The following ARRDC4 variants were observed in gnomAD, a reference collection of about 807,000 sequenced individuals.
The protein encoded by ARRDC4 is arrestin domain-containing protein 4.
Under a neutral mutation model 44.6 loss-of-function variants are expected in ARRDC4, and 40 were observed. That is an observed-to-expected ratio of 0.90 (90% CI 0.70 to 1.17). The LOEUF (loss-of-function observed/expected upper bound fraction) is 1.17, where lower values mean the gene tolerates loss of function less well. ARRDC4 is among the 50% of genes most tolerant of loss of function. ARRDC4 has a pLI of 0.00. For synonymous variants in ARRDC4, 211 were observed against 221.2 expected, an observed-to-expected ratio of 0.95 and a Z score of 0.41; for missense variants, 550 against 559.1, an observed-to-expected ratio of 0.98 and a Z score of 0.16.
In ARRDC4 at chr15:97,969,212, T is replaced by C. The variant is rs751499285; in HGVS notation, c.715T>C (p.Leu239=). Residue 239 remains leucine (L), a synonymous_variant, in exon 5 of 8, where the codon TTG becomes CTG. Transcript: ENST00000268042. ...KAAIFQTQTY[L]ASGKTKTIRH... ...TGCTATTTTCCAAACGCAGACATATTTGGCTAGTGGAAAAACAAAGACCAT... is the reference window on the plus strand; with the variant it reads ...TGCTATTTTCCAAACGCAGACATATCTGGCTAGTGGAAAAACAAAGACCAT... The C allele has an allele frequency of 8.7e-6, 14 of 1,613,834 alleles. No individual in the cohort carries two copies. The highest frequency in any genetic ancestry group is 1.1e-5 in the Non-Finnish European group (13 of 1,179,922).
chr15:97,964,995 C>CATATAT (rs1555456247), intron 1 of ARRDC4, among the ~76,000 whole-genome samples: 19 of 133,124 alleles, frequency 1.4e-4, no homozygotes, highest in African/African-American at 7.0e-4. Context: ...GTGATTTTTA[C>CATATAT]ATACACACAC....
Position 97,973,520 on chromosome 15 carries a change from G to A in ARRDC4, c.*2333G>A, listed in dbSNP as rs1432707429. 1.3e-5 allele frequency: 2 copies of A among 152,550 alleles called. No individual in the cohort carries two copies. The highest frequency in any genetic ancestry group is 4.8e-5 in the African/African-American group (2 of 41,430). 9.4% of individuals were successfully genotyped at this position (152,550 alleles called of 1,614,324 possible). ...AAATGTAGCTGCTGTTATTTGCTTG[G>A]TTATTCCCCTCTTGCTCTTCTTTAG... On this transcript the variant is annotated 3_prime_UTR_variant, in exon 8 of 8. Coordinates refer to ENST00000268042, the MANE Select transcript of ARRDC4 (RefSeq NM_183376.3).
chr15:97,969,544 C>A (rs1248457644), intron 5 of ARRDC4, among the ~76,000 whole-genome samples, 165 bp downstream of exon 5: 3 of 152,120 alleles, frequency 2.0e-5, no homozygotes, highest in Admixed American at 2.0e-4. Context: ...AAAACCTATT[C>A]CCCACAGGGG....
chr15:97,962,553 A>C (rs888808133), intron 1 of ARRDC4, among the ~76,000 whole-genome samples: 1 of 152,208 alleles, frequency 6.6e-6, no homozygotes, highest in Admixed American at 6.5e-5. Context: ...TGGGATTAGC[A>C]ATAAAAAACT....
Position 97,969,149 on chromosome 15 carries a change from A to G in ARRDC4, c.652A>G (p.Ile218Val). ...AGAAGCTATTCCAATCTATGCAGAA[A>G]TAGAAAATTGTTCCTCTCGTCTGAT... The part of the protein sequence containing the change: ...NGEAIPIYAE[I>V]ENCSSRLIVP... Residue 218 changes from isoleucine to valine, a missense_variant, in exon 5 of 8, where the codon ATA becomes GTA. Coordinates refer to ENST00000268042, the MANE Select transcript of ARRDC4 (RefSeq NM_183376.3). 6.2e-7 allele frequency: 1 copy of G among 1,613,882 alleles called. No homozygotes were observed. Among genetic ancestry groups the G allele is most frequent in the Non-Finnish European group, 8.5e-7 (1 of 1,179,802 alleles).
rs762785685 is a variant in ARRDC4 at position 97,969,294 on chromosome 15, C to A, written c.797C>A (p.Thr266Lys). ...CACATCGCTTCTGGGAGCACAGACA[C>A]ATGGAATGGGAAAACGCTAAAAATC... ...GNHIASGSTD[T>K]WNGKTLKIPP... The change falls in exon 5 of 8, where the codon ACA becomes AAA. Residue 266 changes from threonine (T) to lysine (K), a missense_variant. Physicochemically the swap from Thr to Lys is moderately conservative, Grantham distance 78 (BLOSUM62 -1). Coordinates refer to ENST00000268042, the MANE Select transcript of ARRDC4 (RefSeq NM_183376.3). 6.2e-7 allele frequency: 1 copy of A among 1,613,918 alleles called. No homozygotes were observed. Among genetic ancestry groups the A allele is most frequent in the East Asian group, 2.2e-5 (1 of 44,872 alleles).
chr15:97,969,112 T>C lies in ARRDC4; in HGVS notation c.626-11T>C, dbSNP rs1455880714. ...GTCTCTGAATCCTCCCTGGTTTTGT[T>C]TTCTTTTTAGGAGAAGCTATTCCAA... On this transcript the variant is annotated splice_polypyrimidine_tract_variant and intron_variant, in intron 4 of 7. Transcript: ENST00000268042. The C allele has an allele frequency of 6.2e-7, 1 of 1,608,634 alleles. No individual in the cohort carries two copies. Among genetic ancestry groups the C allele is most frequent in the Non-Finnish European group, 8.5e-7 (1 of 1,175,928 alleles).
In ARRDC4 at chr15:97,969,293, A is replaced by G; in HGVS notation, c.796A>G (p.Thr266Ala). 1 of 1,613,958 alleles carries G rather than the reference A, an allele frequency of 6.2e-7. No individual in the cohort carries two copies. Among genetic ancestry groups the G allele is most frequent in the Non-Finnish European group, 8.5e-7 (1 of 1,179,876 alleles). Residue 266 changes from threonine (T) to alanine (A), a missense_variant, in exon 5 of 8, where the codon ACA becomes GCA. Physicochemically the swap from Thr to Ala is moderately conservative, Grantham distance 58. Coordinates refer to ENST00000268042, the MANE Select transcript of ARRDC4 (RefSeq NM_183376.3). ...CCACATCGCTTCTGGGAGCACAGAC[A>G]CATGGAATGGGAAAACGCTAAAAAT... ...GNHIASGSTD[T>A]WNGKTLKIPP... is the part of the protein sequence containing the mutation.
At position 97,967,639 on chromosome 15, in the gene ARRDC4, C is replaced by T. The variant is rs1899440386; in HGVS notation, c.523-375C>T. Among the ~76,000 whole-genome samples, 1 of 151,942 alleles carries T rather than the reference C, an allele frequency of 6.6e-6. No homozygotes were observed. Among genetic ancestry groups the T allele is most frequent in the African/African-American group, 2.4e-5 (1 of 41,360 alleles). On this transcript the variant is annotated intron_variant, in intron 3 of 7. Transcript: ENST00000268042. This position sits in a 1 kb window ranked among gnomAD's most constrained non-coding sequence, Gnocchi z 5.0. ...TATTTTTTATTTTTATATCATTTAT[C>T]CTTCCACCTGACTTTTATATATAAA...
In ARRDC4 at chr15:97,971,313, A is replaced by G. The variant is rs1899510745; in HGVS notation, c.*126A>G. The G allele has an allele frequency of 2.1e-6, 2 of 963,060 alleles. No homozygotes were observed. The highest frequency in any genetic ancestry group is 2.5e-5 in the East Asian group (1 of 40,180). The allele number at this position is 963,060 out of a possible 1,614,324, so 59.7% of individuals were successfully genotyped here. On this transcript the variant is annotated 3_prime_UTR_variant, in exon 8 of 8. Coordinates refer to ENST00000268042, the MANE Select transcript of ARRDC4 (RefSeq NM_183376.3). ...TAAATGAACGTCAAGACTGAAGGCA[A>G]TAGAAATTAAAGAATGTGAGAAAGT...
chr15:97,965,546 C>A lies in ARRDC4; in HGVS notation c.308-54C>A. The A allele has an allele frequency of 7.0e-7, 1 of 1,418,600 alleles. No individual in the cohort carries two copies. The highest frequency in any genetic ancestry group is 9.9e-7 in the Non-Finnish European group (1 of 1,007,744). 87.9% of individuals were successfully genotyped at this position (1,418,600 alleles called of 1,614,324 possible). A position where few individuals can be genotyped will look rare whatever the true frequency, so the allele number is the denominator to read the frequency against. On this transcript the variant is annotated intron_variant, in intron 1 of 7. Transcript: ENST00000268042. The surrounding 1 kb of genome is among the most constrained non-coding windows in gnomAD (Gnocchi z 5.1). ...CAAAAAATTATTTACATTGTGAAAACTCTTGATCTAATACTAACTATCCTT... is the reference window on the plus strand; with the variant it reads ...CAAAAAATTATTTACATTGTGAAAAATCTTGATCTAATACTAACTATCCTT...
At position 97,967,562 on chromosome 15, in the gene ARRDC4, CTGTT is replaced by C. The variant is rs1403075197; in HGVS notation, c.523-446_523-443del. ...TTTTGAAGTAAGTGGTGGGAAAAGGCTGTTTGTTTATTCCACTTTATTAAATGCC... is the reference window on the plus strand; with the variant it reads ...TTTTGAAGTAAGTGGTGGGAAAAGGCTGTTTATTCCACTTTATTAAATGCC... On this transcript the variant is annotated intron_variant, in intron 3 of 7. Transcript: ENST00000268042. This position sits in a 1 kb window ranked among gnomAD's most constrained non-coding sequence, Gnocchi z 5.0. 5.3e-5 allele frequency among the ~76,000 whole-genome samples: 8 copies of C among 151,514 alleles called. No homozygotes were observed. Among genetic ancestry groups the C allele is most frequent in the South Asian group, 2.1e-4 (1 of 4,824 alleles).
At chr15:97,961,232 G>A (rs1899311258) in intron 1 of ARRDC4, 64 bp downstream of exon 1, 16 of 1,321,096 alleles carry the variant, frequency 1.2e-5, no homozygotes, top group Non-Finnish European at 1.5e-5. Context: ...GGGCTGGGAG[G>A]CCGCGCACCC....
chr15:97,963,174 T>C (rs1899350737), intron 1 of ARRDC4, among the ~76,000 whole-genome samples: 1 of 152,304 alleles, frequency 6.6e-6, no homozygotes, highest in South Asian at 2.1e-4. Flanking sequence ...CCTTTAATTA[T>C]GAGCTTTGGC....
In ARRDC4 at chr15:97,973,421, T is replaced by C. The variant is rs1596306663; in HGVS notation, c.*2234T>C. 3 of 152,564 alleles carry C rather than the reference T, an allele frequency of 2.0e-5. No homozygotes were observed. Among genetic ancestry groups the C allele is most frequent in the African/African-American group, 7.2e-5 (3 of 41,542 alleles). The allele number at this position is 152,564 out of a possible 1,614,324, so 9.5% of individuals were successfully genotyped here. A position where few individuals can be genotyped will look rare whatever the true frequency, so the allele number is the denominator to read the frequency against. On this transcript the variant is annotated 3_prime_UTR_variant, in exon 8 of 8. Transcript: ENST00000268042. ...TACTGGCATATCTGACTGTAAGCAG[T>C]AGGTTGAAGATATCATTTTATGAAT...
rs1427388456 is a variant in ARRDC4 at position 97,960,984 on chromosome 15, C to T, written c.123C>T (p.His41=). The change falls in exon 1 of 8, where the codon CAC becomes CAT. Residue 41 remains histidine (H), a synonymous_variant. Transcript: ENST00000268042. ...CYSSGETVAG[H]VLLEASEPVA... is the part of the protein sequence containing the mutation. ...CCAGCGGCGAGACAGTGGCCGGGCA[C>T]GTGCTGCTGGAGGCGTCCGAGCCGG... 6 of 1,459,780 alleles carry T rather than the reference C, an allele frequency of 4.1e-6. No homozygotes were observed. Among genetic ancestry groups the T allele is most frequent in the Admixed American group, 4.9e-5 (2 of 41,172 alleles). The allele number at this position is 1,459,780 out of a possible 1,614,324, so 90.4% of individuals were successfully genotyped here.
At position 97,970,157 on chromosome 15, in the gene ARRDC4, A is replaced by G. The variant is rs1899485197; in HGVS notation, c.1045+112A>G. ...GTTGATGAGTACTGCTACTATAGGTATCTTTATTCCTACTACTAAAAAATC... is the reference window on the plus strand; with the variant it reads ...GTTGATGAGTACTGCTACTATAGGTGTCTTTATTCCTACTACTAAAAAATC... On this transcript the variant is annotated intron_variant, in intron 6 of 7. Transcript: ENST00000268042. This position sits in a 1 kb window ranked among gnomAD's most constrained non-coding sequence, Gnocchi z 4.2. The G allele has an allele frequency of 3.5e-6, 4 of 1,142,646 alleles. No individual in the cohort carries two copies. The highest frequency in any genetic ancestry group is 2.6e-5 in the East Asian group (1 of 38,514). 70.8% of individuals were successfully genotyped at this position (1,142,646 alleles called of 1,614,324 possible). A position where few individuals can be genotyped will look rare whatever the true frequency, so the allele number is the denominator to read the frequency against.
In ARRDC4 at chr15:97,969,415, G is replaced by T. The variant is rs938526748; in HGVS notation, c.882+36G>T. 3.1e-6 allele frequency: 5 copies of T among 1,604,616 alleles called. No individual in the cohort carries two copies. In the South Asian group the frequency reaches 5.5e-5, roughly 18 times the overall value. ...CTCTTTTTTAAAAAAAAATGTGTAT[G>T]ATGGACAATAACTGATGTCATGTTA... is the stretch of plus-strand genomic sequence containing the variant. On this transcript the variant is annotated intron_variant, in intron 5 of 7. Transcript: ENST00000268042.
At position 97,961,104 on chromosome 15, in the gene ARRDC4, C is replaced by T. The variant is rs1019867708; in HGVS notation, c.243C>T (p.Ala81=). Residue 81 remains alanine, a synonymous_variant, in exon 1 of 8, where the codon GCC becomes GCT. Transcript: ENST00000268042. The stretch of plus-strand genomic sequence containing the variant: ...CCCGCGCCTCGGCCAGCACCGCGGC[C>T]CTGGCTGTCTTCTCGGAGGTGGAGT... ...TCPRASASTA[A]LAVFSEVEYL... The T allele has an allele frequency of 1.6e-5, 23 of 1,456,528 alleles. No homozygotes were observed. The highest frequency in any genetic ancestry group is 1.1e-4 in the Admixed American group (4 of 37,668). 90.2% of individuals were successfully genotyped at this position (1,456,528 alleles called of 1,614,324 possible).
Sources: gnomAD v4.1 joint callset for allele counts (sites outside exome capture counted in the v4.1 genomes callset) on GRCh38, gnomAD v4.1.1 for gene constraint, Gnocchi (gnomAD v3.1) non-coding constraint, MANE v1.5 for transcripts, NCBI Gene and HGNC (gene_info 2026-07-23, HGNC 2026-07-21) for gene names.